The following FAM81A variants were observed in gnomAD, a reference collection of about 807,000 sequenced individuals.
FAM81A encodes the protein protein FAM81A.
A neutral mutation model predicts 46.7 loss-of-function variants in FAM81A; 19 were observed. The ratio of observed to expected loss-of-function variants is 0.41; its 90% CI spans 0.28 to 0.60. The LOEUF (loss-of-function observed/expected upper bound fraction) is 0.60. Ranked by LOEUF, FAM81A falls within the 20% of genes least tolerant of loss-of-function variation. FAM81A has a pLI of 0.34. For missense variants in FAM81A, 377 were observed against 453.5 expected (o/e 0.83, Z 1.53); for synonymous variants, 183 against 152.9 (o/e 1.20, Z -1.45).
chr15:59,466,771 A>G (rs1266078948), intron 3 of FAM81A, among the ~76,000 whole-genome samples: 5 of 152,182 alleles, frequency 3.3e-5, no homozygotes, highest in African/African-American at 1.2e-4. Flanking sequence ...TTAGGCATGA[A>G]GTCCTTGCCC....
intron 2 of FAM81A, among the ~76,000 whole-genome samples, chr15:59,410,076 G>A (rs904185411): frequency 3.4e-4 from 51 of 152,054 alleles, no homozygotes; most frequent in African/African-American, 1.2e-3. Context: ...CTGAGGCGGC[G>A]GATTACGAGG....
intron 1 of FAM81A, among the ~76,000 whole-genome samples, chr15:59,453,714 GGACTC>G (rs2081447274): frequency 6.6e-6 from 1 of 151,722 alleles, no homozygotes; most frequent in Admixed American, 6.6e-5. Flanking sequence ...AAAATGAAGA[GGACTC>G]AATGGTGGGG....
chr15:59,507,400 A>T, intron 5 of FAM81A, 58 bp downstream of exon 5: 1 of 1,578,088 alleles, frequency 6.3e-7, no homozygotes, highest in Non-Finnish European at 8.6e-7. Flanking sequence ...GCTAAGAATA[A>T]CATGGTGTTG....
At chr15:59,423,160 C>T (rs573733795) in intron 2 of FAM81A, among the ~76,000 whole-genome samples, 2 of 152,098 alleles carry the variant, frequency 1.3e-5, no homozygotes, top group African/African-American at 4.8e-5. Context: ...TGCAGTGGCG[C>T]GATCTCGGCT....
intron 2 of FAM81A, among the ~76,000 whole-genome samples, chr15:59,414,065 T>G (rs1206166895): frequency 5.0e-4 from 76 of 152,242 alleles, no homozygotes; most frequent in African/African-American, 1.7e-3. Flanking sequence ...GCGATTCTCT[T>G]CCAGCCTCCT....
intron 2 of FAM81A, among the ~76,000 whole-genome samples, chr15:59,458,990 A>G (rs762349858): frequency 1.3e-5 from 2 of 152,186 alleles, no homozygotes; most frequent in Non-Finnish European, 2.9e-5. Context: ...TGCTTGGCCT[A>G]GCATGTTCTT....
chr15:59,439,249 C>A (rs766469875), intron 1 of FAM81A, among the ~76,000 whole-genome samples: 4 of 152,188 alleles, frequency 2.6e-5, no homozygotes, highest in Non-Finnish European at 4.4e-5. Context: ...GTGCAGCTCT[C>A]TCAGAAGCAA....
chr15:59,489,302 CATACATACATAT>C (rs1163966189), intron 3 of FAM81A, among the ~76,000 whole-genome samples: 12 of 150,394 alleles, frequency 8.0e-5, no homozygotes, highest in South Asian at 4.2e-4. Context: ...TACATACATA[CATACATACATAT>C]ATACATACAT....
At position 59,413,417 on chromosome 15, in the gene FAM81A, A is replaced by AACACACACACACAC. The variant is rs535000983; in HGVS notation, c.-78+11091_-78+11104dup. 1.5e-3 allele frequency among the ~76,000 whole-genome samples: 205 copies of AACACACACACACAC among 134,506 alleles called. 1 individual carries two copies. Among genetic ancestry groups the AACACACACACACAC allele is most frequent in the Middle Eastern group, 0.011 (3 of 270 alleles). 88.2% of individuals were successfully genotyped at this position (134,506 alleles called of 152,430 possible). On this transcript the variant is annotated intron_variant, in intron 2 of 4. Coordinates refer to the FAM81A transcript ENST00000558348. The stretch of plus-strand genomic sequence containing the variant: ...CCTCAAAACTGGGTTGAGAGCATTA[A>AACACACACACACAC]ACACACACACACACACACACACACA...
chr15:59,418,952 A>G (rs542809817), intron 2 of FAM81A, among the ~76,000 whole-genome samples: 12 of 152,168 alleles, frequency 7.9e-5, no homozygotes, highest in Admixed American at 2.0e-4. Context: ...CTGATCTACA[A>G]TTTGATTTCT....
chr15:59,512,284 C>A (rs1304171279), intron 6 of FAM81A, among the ~76,000 whole-genome samples: 1 of 151,868 alleles, frequency 6.6e-6, no homozygotes, highest in African/African-American at 2.4e-5. Flanking sequence ...ACTAGCCTGG[C>A]CAACATGGTG....
intron 3 of FAM81A, among the ~76,000 whole-genome samples, chr15:59,475,802 A>G (rs1358706094): frequency 1.3e-5 from 2 of 152,230 alleles, no homozygotes. Flanking sequence ...ATTGATTTAT[A>G]TGTATTATGA....
intron 2 of FAM81A, among the ~76,000 whole-genome samples, chr15:59,405,470 G>A (rs1488185523): frequency 2.0e-5 from 3 of 151,914 alleles, no homozygotes; most frequent in African/African-American, 7.3e-5. Flanking sequence ...GCAAAACCCC[G>A]TCTGTACTAA....
intron 2 of FAM81A, among the ~76,000 whole-genome samples, chr15:59,412,422 G>C (rs1232969384): frequency 6.6e-6 from 1 of 152,026 alleles, no homozygotes; most frequent in Non-Finnish European, 1.5e-5. Context: ...ATCAAAAGAC[G>C]GTTCCAAAGA....
intron 4 of FAM81A, among the ~76,000 whole-genome samples, chr15:59,494,743 T>C (rs1444995375): frequency 6.6e-6 from 1 of 152,200 alleles, no homozygotes; most frequent in Non-Finnish European, 1.5e-5. Flanking sequence ...ATTATGTAAT[T>C]GTATTGGAGG....
At chr15:59,496,582 G>A (rs2082036414) in intron 4 of FAM81A, among the ~76,000 whole-genome samples, 1 of 151,980 alleles carries the variant, frequency 6.6e-6, no homozygotes, top group Admixed American at 6.6e-5. Context: ...TCCAGCCTGG[G>A]CAACATAGCA....
At chr15:59,519,864 G>C (rs2082309649) in intron 8 of FAM81A, among the ~76,000 whole-genome samples, 1 of 152,132 alleles carries the variant, frequency 6.6e-6, no homozygotes, top group African/African-American at 2.4e-5. Flanking sequence ...TAATGGTGCA[G>C]TGAACAGGGG....
intron 4 of FAM81A, among the ~76,000 whole-genome samples, chr15:59,493,264 C>T (rs748476688): frequency 2.0e-5 from 3 of 152,072 alleles, no homozygotes; most frequent in Non-Finnish European, 4.4e-5. Flanking sequence ...GACAACGTGT[C>T]GAGGGCCTTG....
intron 4 of FAM81A, among the ~76,000 whole-genome samples, chr15:59,495,141 G>A (rs2082020606): frequency 6.6e-6 from 1 of 152,142 alleles, no homozygotes. Context: ...ATTTCAGAAC[G>A]TTTTTATCAT....
Sources: gnomAD v4.1 joint callset for allele counts (sites outside exome capture counted in the v4.1 genomes callset) on GRCh38, gnomAD v4.1.1 for gene constraint, MANE v1.5 for transcripts, NCBI Gene and HGNC (gene_info 2026-07-23, HGNC 2026-07-21) for gene names.